The following KDM4A variants were observed in gnomAD, a reference collection of about 807,000 sequenced individuals.
KDM4A encodes lysine-specific demethylase 4A.
Under a neutral mutation model 127.1 loss-of-function variants are expected in KDM4A, and 23 were observed. That is an observed-to-expected ratio of 0.18 (90% CI 0.13 to 0.26). KDM4A has a LOEUF of 0.26. Among genes scored for constraint, KDM4A ranks in the 10% least tolerant of loss-of-function variants. KDM4A has a pLI of 1.00. For missense variants in KDM4A, 890 were observed against 1,329.1 expected (o/e 0.67, Z 5.14); for synonymous variants, 443 against 466.5 (o/e 0.95, Z 0.65).
chr1:43,696,684 C>G (rs1661247733), intron 18 of KDM4A, among the ~76,000 whole-genome samples: 1 of 152,182 alleles, frequency 6.6e-6, no homozygotes, highest in Non-Finnish European at 1.5e-5. Flanking sequence ...AGTACTGAGT[C>G]ACAGCTATGA....
rs58710892 is a variant in KDM4A, at chr1:43,654,702, AGTGTGTGTGTGTGTGT to A, written c.139-866_139-851del. Among the ~76,000 whole-genome samples the A allele has an allele frequency of 3.9e-4, 52 of 131,912 alleles. 1 individual carries two copies. Among genetic ancestry groups the A allele is most frequent in the African/African-American group, 7.8e-4 (30 of 38,380 alleles). 86.5% of individuals were successfully genotyped at this position (131,912 alleles called of 152,430 possible). A position where few individuals can be genotyped will look rare whatever the true frequency, so the allele number is the denominator to read the frequency against. On this transcript the variant is annotated intron_variant, in intron 2 of 21. Transcript: ENST00000372396. Reference sequence around the variant, plus strand: ...GTGTTGCCTTATGCAGATGCTTGTGAGTGTGTGTGTGTGTGTGTGTGTGTGTGTGTGTGTGTGTTGT... The same window carrying A: ...GTGTTGCCTTATGCAGATGCTTGTGAGTGTGTGTGTGTGTGTGTGTGTTGT...
rs1553234800 is a variant in KDM4A at position 43,697,829 on chromosome 1, C to T, written c.2671-14C>T. ...CTCCACGTGTGAGTAACCAAAGCCTCTGTTTTTTTCCAGCGTGCCAAGGGG... is the reference window on the plus strand; with the variant it reads ...CTCCACGTGTGAGTAACCAAAGCCTTTGTTTTTTTCCAGCGTGCCAAGGGG... On this transcript the variant is annotated splice_polypyrimidine_tract_variant and intron_variant, in intron 18 of 21. Coordinates refer to ENST00000372396, the MANE Select transcript of KDM4A (RefSeq NM_014663.3). 6.2e-7 allele frequency: 1 copy of T among 1,609,354 alleles called. No individual in the cohort carries two copies. The highest frequency in any genetic ancestry group is 8.5e-7 in the Non-Finnish European group (1 of 1,177,878).
chr1:43,683,902 G>T, intron 12 of KDM4A, 98 bp downstream of exon 12: 1 of 1,394,156 alleles, frequency 7.2e-7, no homozygotes, highest in Non-Finnish European at 9.8e-7. Flanking sequence ...ATAAGGGTGG[G>T]CCTGTGGCTT....
At position 43,666,993 on chromosome 1, in the gene KDM4A, T is replaced by G; in HGVS notation, c.817T>G (p.Tyr273Asp). The change falls in exon 8 of 22, where the codon TAT becomes GAT. Residue 273 changes from tyrosine to aspartate, a missense_variant. This residue lies in a region of KDM4A where 141 missense variants were observed against 273.5 expected (regional missense o/e 0.52). Transcript: ENST00000372396. ...EAGEFMITFP[Y>D]GYHAGFNHGF... is the part of the protein sequence containing the mutation. ...TGGAGAGTTTATGATCACTTTCCCT[T>G]ATGGTTACCATGCCGGCTTTAACCA... The G allele has an allele frequency of 6.2e-7, 1 of 1,614,112 alleles. No homozygotes were observed. Among genetic ancestry groups the G allele is most frequent in the Non-Finnish European group, 8.5e-7 (1 of 1,179,958 alleles).
At chr1:43,675,641 C>T (rs747871192) in intron 11 of KDM4A, among the ~76,000 whole-genome samples, 1 of 152,138 alleles carries the variant, frequency 6.6e-6, no homozygotes, top group Non-Finnish European at 1.5e-5. Flanking sequence ...TGTCAAGAGC[C>T]AGAACCTGGA....
Position 43,655,754 on chromosome 1 carries a change from C to G in KDM4A, c.302C>G (p.Ala101Gly). ...ACTGTTCGAGAGTTCCGCAAGATAG[C>G]CAATAGCGATAAGTGAGTGGAAACC... is the stretch of plus-strand genomic sequence containing the variant. Reference protein sequence around the residue: ...AMTVREFRKIANSDKYCTPRY... With the variant: ...AMTVREFRKIGNSDKYCTPRY... The change falls in exon 3 of 22, where the codon GCC becomes GGC. Residue 101 changes from alanine to glycine, a missense_variant. Ala to Gly is a moderately conservative substitution (Grantham distance 60, BLOSUM62 0). This residue lies in a region of KDM4A where 41 missense variants were observed against 40.8 expected (regional missense o/e 1.00). Coordinates refer to ENST00000372396, the MANE Select transcript of KDM4A (RefSeq NM_014663.3). 6.2e-7 allele frequency: 1 copy of G among 1,609,822 alleles called. No homozygotes were observed. Among genetic ancestry groups the G allele is most frequent in the Non-Finnish European group, 8.5e-7 (1 of 1,177,578 alleles).
At chr1:43,660,578 T>A (rs2154046679) in intron 4 of KDM4A, among the ~76,000 whole-genome samples, 166 bp downstream of exon 4, 1 of 152,344 alleles carries the variant, frequency 6.6e-6, no homozygotes, top group East Asian at 1.9e-4. Context: ...GTGGGCCATT[T>A]TGCATGTGAC....
chr1:43,690,825 C>A lies in KDM4A; in HGVS notation c.2038-20C>A, dbSNP rs759138650. The A allele has an allele frequency of 5.6e-6, 9 of 1,611,444 alleles. No homozygotes were observed. In the South Asian group the frequency reaches 8.8e-5, roughly 16 times the overall value. On this transcript the variant is annotated intron_variant, in intron 13 of 21. Coordinates refer to ENST00000372396, the MANE Select transcript of KDM4A (RefSeq NM_014663.3). ...ATAGGCACGTGCTCACTGAGGTGTA[C>A]ACTTGTTCTTTCCCCTTAGGTTGAA...
At chr1:43,654,154 T>C (rs903504676) in intron 2 of KDM4A, among the ~76,000 whole-genome samples, 7 of 152,250 alleles carry the variant, frequency 4.6e-5, no homozygotes, top group Non-Finnish European at 8.8e-5. Flanking sequence ...CAGGCGGGAA[T>C]AGCAGGGCCT....
chr1:43,679,851 G>C (rs1660819824), intron 11 of KDM4A, among the ~76,000 whole-genome samples: 1 of 152,188 alleles, frequency 6.6e-6, no homozygotes, highest in South Asian at 2.1e-4. Flanking sequence ...GATGTTGGAT[G>C]AGGGAGGAAA....
intron 14 of KDM4A, among the ~76,000 whole-genome samples, chr1:43,691,290 G>A (rs1290699509): frequency 6.6e-6 from 1 of 152,186 alleles, no homozygotes; most frequent in Admixed American, 6.5e-5. Flanking sequence ...CTAGGTGTTT[G>A]TACCAGTGAA....
chr1:43,653,360 C>G (rs1222438832), intron 2 of KDM4A, 47 bp downstream of exon 2: 1 of 1,521,624 alleles, frequency 6.6e-7, no homozygotes, highest in South Asian at 1.2e-5. Context: ...TAGGGCAGAG[C>G]AGTAAGATTT....
At chr1:43,684,149 T>C (rs1159929909) in intron 12 of KDM4A, among the ~76,000 whole-genome samples, 1 of 152,178 alleles carries the variant, frequency 6.6e-6, no homozygotes, top group East Asian at 1.9e-4. Flanking sequence ...AACTAAGATA[T>C]GTCCGTGCCC....
chr1:43,691,007 A>G lies in KDM4A; in HGVS notation c.2200A>G (p.Ile734Val), dbSNP rs190032475. The G allele has an allele frequency of 4.3e-6, 7 of 1,614,224 alleles. No individual in the cohort carries two copies. Among genetic ancestry groups the G allele is most frequent in the Non-Finnish European group, 5.9e-6 (7 of 1,180,040 alleles). Residue 734 changes from isoleucine (I) to valine (V), a missense_variant, in exon 14 of 22, where the codon ATA becomes GTA. Ile to Val is a conservative substitution (Grantham distance 29). Transcript: ENST00000372396. ...TTATCTTGAGGAGGATGGCACCAGC[A>G]TACTCGTTTCCTGCAAGAAGTGCAG... ...TPYLEEDGTS[I>V]LVSCKKCSVR...
chr1:43,675,327 T>C (rs1439879052), intron 11 of KDM4A, among the ~76,000 whole-genome samples: 1 of 152,188 alleles, frequency 6.6e-6, no homozygotes, highest in Non-Finnish European at 1.5e-5. Flanking sequence ...CTAGGATAGA[T>C]AGGTAAGAGC....
At chr1:43,692,713 TCA>T in intron 16 of KDM4A, among the ~76,000 whole-genome samples, 1 of 152,178 alleles carries the variant, frequency 6.6e-6, no homozygotes, top group East Asian at 1.9e-4. Context: ...ACTCCCTGGC[TCA>T]GACCTGCTGT....
chr1:43,657,462 A>G (rs1660270569), intron 3 of KDM4A, among the ~76,000 whole-genome samples: 1 of 152,066 alleles, frequency 6.6e-6, no homozygotes, highest in Non-Finnish European at 1.5e-5. Flanking sequence ...TGGCCTCCCA[A>G]AGGGCTGGGA....
Position 43,704,485 on chromosome 1 carries a change from G to A in KDM4A, c.*115G>A, listed in dbSNP as rs1213730896. On this transcript the variant is annotated 3_prime_UTR_variant, in exon 22 of 22. Coordinates refer to ENST00000372396, the MANE Select transcript of KDM4A (RefSeq NM_014663.3). ...GAAAGTGAAGTTGTAAAAAGAAAAG[G>A]AATGAAATAACCGACCCATCATCTT... is the stretch of plus-strand genomic sequence containing the variant. 3 of 1,149,972 alleles carry A rather than the reference G, an allele frequency of 2.6e-6. No homozygotes were observed. The Admixed American group carries it at 6.9e-5, about 27-fold the overall frequency. 71.2% of individuals were successfully genotyped at this position (1,149,972 alleles called of 1,614,324 possible).
At chr1:43,698,954 A>G (rs745946893) in intron 19 of KDM4A, among the ~76,000 whole-genome samples, 31 of 152,144 alleles carry the variant, frequency 2.0e-4, no homozygotes, top group Non-Finnish European at 4.1e-4. Flanking sequence ...ACAGCCGGCT[A>G]ATTTTTTAAT....
Sources: allele counts gnomAD v4.1 joint callset (sites outside exome capture counted in the v4.1 genomes callset), GRCh38; gene constraint gnomAD v4.1.1; regional missense constraint gnomAD v4.1.1; transcripts MANE v1.5; gene names NCBI Gene and HGNC (gene_info 2026-07-23, HGNC 2026-07-21).